Variants in MLLT10 observed in about 807,000 individuals in gnomAD.
MLLT10 encodes MLLT10 histone lysine methyltransferase DOT1L cofactor.
In MLLT10, 30 loss-of-function variants were observed where a neutral mutation model predicts 129.1. The ratio of observed to expected loss-of-function variants is 0.23; its 90% confidence interval spans 0.17 to 0.32. The LOEUF is 0.32. MLLT10 is among the 10% of genes least tolerant of loss of function. The pLI is 1.00. For missense variants in MLLT10, 1,119 were observed against 1,268.3 expected, an observed-to-expected ratio of 0.88 and a Z score of 1.79; for synonymous variants, 490 against 446.4, an observed-to-expected ratio of 1.10 and a Z score of -1.23.
chr10:21,679,994 AGGTC>A (rs1217844405), intron 11 of MLLT10, among the ~76,000 whole-genome samples: 4 of 152,178 alleles, frequency 2.6e-5, no homozygotes, highest in African/African-American at 9.7e-5. Flanking sequence ...TAGCAAACCC[AGGTC>A]CTTTGAGTCA....
At chr10:21,699,333 A>G (rs1023936174) in intron 13 of MLLT10, among the ~76,000 whole-genome samples, 1 of 151,662 alleles carries the variant, frequency 6.6e-6, no homozygotes, top group African/African-American at 2.4e-5. Context: ...CTCCTATTCA[A>G]CAGTTTGTCT....
At chr10:21,713,246 A>G (rs1219439585) in intron 13 of MLLT10, among the ~76,000 whole-genome samples, 1 of 152,142 alleles carries the variant, frequency 6.6e-6, no homozygotes, top group Non-Finnish European at 1.5e-5. Flanking sequence ...TTATTCCCAC[A>G]CCTGTCTCCC....
At chr10:21,626,700 A>C (rs2046479914) in intron 8 of MLLT10, among the ~76,000 whole-genome samples, 1 of 152,176 alleles carries the variant, frequency 6.6e-6, no homozygotes, top group African/African-American at 2.4e-5. Context: ...TGTGGCCCTC[A>C]AAGGAATAAA....
chr10:21,596,006 A>G (rs1204833402), intron 5 of MLLT10, among the ~76,000 whole-genome samples: 1 of 151,124 alleles, frequency 6.6e-6, no homozygotes, highest in Non-Finnish European at 1.5e-5. Context: ...CCATTACCCA[A>G]TGTGCCTTTA....
intron 3 of MLLT10, among the ~76,000 whole-genome samples, chr10:21,568,884 T>G (rs993881234): frequency 9.2e-5 from 14 of 152,200 alleles, no homozygotes; most frequent in Non-Finnish European, 1.8e-4. Flanking sequence ...TACACCTGCC[T>G]CGACCTCCCA....
intron 2 of MLLT10, among the ~76,000 whole-genome samples, chr10:21,538,206 C>T (rs1252725813): frequency 6.6e-6 from 1 of 151,058 alleles, no homozygotes; most frequent in Non-Finnish European, 1.5e-5. Flanking sequence ...CTCTTATTGC[C>T]CAGGCTGGAG....
chr10:21,605,083 C>CT (rs2043924629), intron 5 of MLLT10, among the ~76,000 whole-genome samples: 2 of 144,324 alleles, frequency 1.4e-5, no homozygotes, highest in East Asian at 2.0e-4. Flanking sequence ...GACCCCATCT[C>CT]TTTAAAAAAA....
intron 13 of MLLT10, among the ~76,000 whole-genome samples, chr10:21,706,532 G>A (rs1397231096): frequency 1.3e-5 from 2 of 152,120 alleles, no homozygotes; most frequent in South Asian, 2.1e-4. Context: ...TCAGTCTCTC[G>A]GGATGTGGGT....
At chr10:21,608,367 A>G (rs2044270485) in intron 5 of MLLT10, among the ~76,000 whole-genome samples, 1 of 150,040 alleles carries the variant, frequency 6.7e-6, no homozygotes. Context: ...AGTAGAGGTG[A>G]GGTTTTGCTA....
intron 3 of MLLT10, chr10:21,541,366 G>T (rs1399907575): frequency 4.0e-5 from 6 of 151,864 alleles, no homozygotes; most frequent in Admixed American, 2.0e-4. Context: ...TTACAGGCCT[G>T]TAGCACTTAA....
intron 13 of MLLT10, among the ~76,000 whole-genome samples, chr10:21,696,212 A>T (rs1047315595): frequency 1.4e-4 from 21 of 148,116 alleles, no homozygotes; most frequent in East Asian, 5.9e-4. Flanking sequence ...GATTATTATT[A>T]TTTTTTTTTT....
intron 3 of MLLT10, among the ~76,000 whole-genome samples, chr10:21,585,592 T>C (rs1038687029): frequency 2.0e-5 from 3 of 152,216 alleles, no homozygotes; most frequent in African/African-American, 4.8e-5. Context: ...ACGGCAGTCG[T>C]CCTAGCTGAC....
intron 13 of MLLT10, among the ~76,000 whole-genome samples, chr10:21,700,210 A>G (rs1242517124): frequency 6.8e-6 from 1 of 147,940 alleles, no homozygotes; most frequent in African/African-American, 2.5e-5. Flanking sequence ...TGGTTTTTGT[A>G]TGTTGATTTT....
intron 8 of MLLT10, chr10:21,625,196 T>A: frequency 6.7e-7 from 1 of 1,485,588 alleles, no homozygotes. Flanking sequence ...TCTGGAGGCC[T>A]GTCTAGCAGC....
chr10:21,657,977 A>G (rs1397892487), intron 9 of MLLT10, among the ~76,000 whole-genome samples: 1 of 152,116 alleles, frequency 6.6e-6, no homozygotes, highest in Non-Finnish European at 1.5e-5. Context: ...AATCTTTTTT[A>G]TTGTCACTTT....
At chr10:21,702,978 T>C (rs537127732) in intron 13 of MLLT10, among the ~76,000 whole-genome samples, 1 of 152,292 alleles carries the variant, frequency 6.6e-6, no homozygotes, top group South Asian at 2.1e-4. Flanking sequence ...TCTAGTTGTT[T>C]TGTATATTCT....
chr10:21,673,051 G>T (rs1235012467), intron 10 of MLLT10, among the ~76,000 whole-genome samples: 4 of 152,098 alleles, frequency 2.6e-5, no homozygotes, highest in African/African-American at 9.7e-5. Context: ...TGTTGCTGTG[G>T]CAAAAGGTAG....
intron 7 of MLLT10, among the ~76,000 whole-genome samples, chr10:21,615,907 C>A (rs1177406502): frequency 6.6e-6 from 1 of 152,158 alleles, no homozygotes; most frequent in South Asian, 2.1e-4. Context: ...ACTTCTCATT[C>A]TTTTTAATGG....
intron 13 of MLLT10, among the ~76,000 whole-genome samples, chr10:21,691,640 A>T (rs1208246931): frequency 6.6e-6 from 1 of 152,192 alleles, no homozygotes; most frequent in Non-Finnish European, 1.5e-5. Flanking sequence ...GTAGAGAGAA[A>T]ACAAATCAGC....
Sources: allele counts gnomAD v4.1 joint callset (sites outside exome capture counted in the v4.1 genomes callset), GRCh38; gene constraint gnomAD v4.1.1; transcripts MANE v1.5; gene names NCBI Gene and HGNC (gene_info 2026-07-23, HGNC 2026-07-21).